DPP6: variants seen among roughly 807,000 people sequenced by gnomAD.
DPP6 encodes dipeptidyl peptidase like 6.
DPP6 carries 69 observed loss-of-function variants against 122.6 expected under a neutral mutation model. The observed-to-expected ratio is 0.56, with a 90% CI of 0.46 to 0.69. DPP6 has a LOEUF of 0.69. DPP6 is among the 30% of genes least tolerant of loss of function. The pLI is 0.00. For synonymous variants in DPP6, 418 were observed against 433.1 expected, an observed-to-expected ratio of 0.97 and a Z score of 0.43; for missense variants, 928 against 1,116.9, an observed-to-expected ratio of 0.83 and a Z score of 2.41.
intron 8 of DPP6, among the ~76,000 whole-genome samples, chr7:154,737,677 A>G (rs1046544807): frequency 6.6e-6 from 1 of 152,208 alleles, no homozygotes; most frequent in Non-Finnish European, 1.5e-5. Flanking sequence ...TTCCTGCTGC[A>G]TATGAGTTGC....
At chr7:154,146,486 C>T (rs1038407) in intron 1 of DPP6, among the ~76,000 whole-genome samples, 12 of 152,110 alleles carry the variant, frequency 7.9e-5, no homozygotes, top group South Asian at 2.1e-4. Context: ...ACAGTGAGTC[C>T]GGCAACCAAC....
intron 7 of DPP6, among the ~76,000 whole-genome samples, chr7:154,679,856 A>G (rs1011712420): frequency 2.0e-5 from 3 of 152,194 alleles, no homozygotes; most frequent in Non-Finnish European, 4.4e-5. Flanking sequence ...GGATGGAGAC[A>G]GTTTGGTGAG....
At chr7:153,761,452 C>T in the DPP6 span, among the ~76,000 whole-genome samples, 1 of 152,220 alleles carries the variant, frequency 6.6e-6, no homozygotes, top group African/African-American at 2.4e-5. Flanking sequence ...CTGGAAGACA[C>T]TATGAAATGA....
intron 1 of DPP6, among the ~76,000 whole-genome samples, chr7:154,202,192 G>A (rs1433755501): frequency 6.6e-6 from 1 of 152,172 alleles, no homozygotes; most frequent in Non-Finnish European, 1.5e-5. Context: ...GTGCATTCCA[G>A]ATGCCTGGTG....
intron 1 of DPP6, among the ~76,000 whole-genome samples, chr7:154,066,060 C>CTTT (rs539320144): frequency 2.3e-5 from 3 of 133,314 alleles, no homozygotes; most frequent in Non-Finnish European, 4.8e-5. Context: ...TTTTTTTTTA[C>CTTT]TTTTTTTTTT....
intron 1 of DPP6, among the ~76,000 whole-genome samples, chr7:154,208,469 G>A (rs546745015): frequency 2.0e-5 from 3 of 152,348 alleles, no homozygotes; most frequent in Non-Finnish European, 2.9e-5. Flanking sequence ...CATCTGCAGC[G>A]TGCAAAGTGC....
intron 3 of DPP6, among the ~76,000 whole-genome samples, chr7:154,516,463 A>G (rs1826519055): frequency 6.6e-6 from 1 of 152,192 alleles, no homozygotes; most frequent in South Asian, 2.1e-4. Flanking sequence ...AATTTCTCAC[A>G]TGCACTGACT....
intron 1 of DPP6, among the ~76,000 whole-genome samples, chr7:154,111,739 GA>G (rs543689950): frequency 6.6e-6 from 1 of 151,866 alleles, no homozygotes; most frequent in South Asian, 2.1e-4. Context: ...ACTGAAACCT[GA>G]AATCCCATCT....
At chr7:154,386,986 G>A (rs1814171327) in intron 1 of DPP6, among the ~76,000 whole-genome samples, 1 of 152,160 alleles carries the variant, frequency 6.6e-6, no homozygotes, top group African/African-American at 2.4e-5. Flanking sequence ...AACCACAGCT[G>A]TGAGAAGGGG....
intron 10 of DPP6, 25 bp downstream of exon 10, chr7:154,772,967 C>CA (rs11291131): frequency 0.086 from 109,996 of 1,281,958 alleles, 149 homozygotes; most frequent in East Asian, 0.12. Context: ...ATTATGTTAC[C>CA]AAAAAAAAAA....
At chr7:153,871,189 G>A in the DPP6 span, among the ~76,000 whole-genome samples, 1 of 152,220 alleles carries the variant, frequency 6.6e-6, no homozygotes. Context: ...GTCAGACAGC[G>A]ACATTTAAGT....
the DPP6 span, among the ~76,000 whole-genome samples, chr7:153,774,380 C>T: frequency 6.6e-6 from 1 of 152,150 alleles, no homozygotes; most frequent in Non-Finnish European, 1.5e-5. Flanking sequence ...GCAAGACAAT[C>T]AGTAAAACTT....
intron 1 of DPP6, among the ~76,000 whole-genome samples, chr7:154,323,462 C>T (rs1377613475): frequency 4.6e-5 from 7 of 152,184 alleles, no homozygotes; most frequent in African/African-American, 7.2e-5. Context: ...AAGCTCCGAC[C>T]TTGATGACAG....
chr7:154,551,047 A>G (rs552783899), intron 4 of DPP6, among the ~76,000 whole-genome samples: 3 of 152,250 alleles, frequency 2.0e-5, no homozygotes, highest in Admixed American at 2.0e-4. Context: ...TTTTGCCCCT[A>G]TGGGTAATCT....
At chr7:153,810,111 C>A in the DPP6 span, among the ~76,000 whole-genome samples, 3 of 152,244 alleles carry the variant, frequency 2.0e-5, no homozygotes, top group Admixed American at 1.3e-4. Context: ...CGACTTGATG[C>A]CATAAAAGCG....
intron 5 of DPP6, among the ~76,000 whole-genome samples, chr7:154,574,451 GTGTGTGTGGTACGTGTATA>G (rs1831348728): frequency 7.2e-6 from 1 of 138,484 alleles, no homozygotes; most frequent in Non-Finnish European, 1.6e-5. Flanking sequence ...TGTGTGTGGT[GTGTGTGTGGTACGTGTATA>G]TGTGTGTGGT....
the DPP6 span, among the ~76,000 whole-genome samples, chr7:153,824,700 T>TAA: frequency 0.012 from 1,751 of 142,712 alleles, 24 homozygotes; most frequent in African/African-American, 0.042. Context: ...AACATAAAAA[T>TAA]AAAAAAAAAA....
upstream of DPP6, among the ~76,000 whole-genome samples, chr7:153,883,997 G>A (rs1356605131): frequency 6.6e-6 from 1 of 151,976 alleles, no homozygotes; most frequent in Admixed American, 6.6e-5. Flanking sequence ...CTTTTTTTGG[G>A]GGAATTTTTA....
In DPP6 at chr7:154,479,421, G is replaced by A. The variant is rs1329124954; in HGVS notation, c.457+4384G>A. Among the ~76,000 whole-genome samples the A allele has an allele frequency of 4.6e-5, 7 of 152,134 alleles. No homozygotes were observed. The East Asian group carries it at 1.4e-3, about 30-fold the overall frequency. Reference sequence around the variant, plus strand: ...AAAAATACAAAAATTAGCCAGGCGTGGTAGGGCACACCTGTAGTCCCAGCT... The same window carrying A: ...AAAAATACAAAAATTAGCCAGGCGTAGTAGGGCACACCTGTAGTCCCAGCT... On this transcript the variant is annotated intron_variant, in intron 3 of 25. Coordinates refer to ENST00000377770, the MANE Select transcript of DPP6 (RefSeq NM_130797.4).
Sources: allele counts gnomAD v4.1 joint callset (sites outside exome capture counted in the v4.1 genomes callset), GRCh38; gene constraint gnomAD v4.1.1; transcripts MANE v1.5; gene names NCBI Gene and HGNC (gene_info 2026-07-23, HGNC 2026-07-21).